CD86: variants seen among roughly 807,000 people sequenced by gnomAD.
CD86 encodes T-lymphocyte activation antigen CD86.
In CD86, 11 loss-of-function variants were observed where a neutral mutation model predicts 32.1. The ratio of observed to expected loss-of-function variants is 0.34; its 90% confidence interval spans 0.22 to 0.57. CD86 has a LOEUF of 0.57. CD86 is among the 20% of genes least tolerant of loss of function. The pLI is 0.86. For synonymous variants in CD86, 137 were observed against 135.3 expected (o/e 1.01, Z -0.09); for missense variants, 359 against 398.4 (o/e 0.90, Z 0.84).
chr3:122,065,178 C>A (rs1424640645), intron 1 of CD86, among the ~76,000 whole-genome samples: 2 of 152,132 alleles, frequency 1.3e-5, no homozygotes, highest in Non-Finnish European at 2.9e-5. Flanking sequence ...AAGCTATGAA[C>A]AACCATGCTA....
intron 1 of CD86, 72 bp from the exon 2 acceptor site, chr3:122,091,529 C>A: frequency 8.3e-7 from 1 of 1,206,096 alleles, no homozygotes; most frequent in South Asian, 1.2e-5. Flanking sequence ...ACGTCCAGGT[C>A]ATGTTTTGGT....
intron 5 of CD86, among the ~76,000 whole-genome samples, chr3:122,111,574 C>T (rs963461921): frequency 1.3e-5 from 2 of 152,168 alleles, no homozygotes; most frequent in African/African-American, 4.8e-5. Context: ...AGAAGCTCAA[C>T]CCAGCATTTC....
At chr3:122,069,394 T>C (rs1159775180) in intron 1 of CD86, among the ~76,000 whole-genome samples, 1 of 152,140 alleles carries the variant, frequency 6.6e-6, no homozygotes, top group Non-Finnish European at 1.5e-5. Context: ...GGAACAAAGG[T>C]AAAGCATGAA....
intron 1 of CD86, chr3:122,086,672 T>C: frequency 4.4e-6 from 2 of 454,374 alleles, no homozygotes; most frequent in Non-Finnish European, 8.9e-6. Context: ...TCGAGCAGTG[T>C]TTGCAGAATG....
At chr3:122,118,152 A>G in intron 6 of CD86, 59 bp downstream of exon 6, 1 of 1,377,756 alleles carries the variant, frequency 7.3e-7, no homozygotes, top group Admixed American at 1.7e-5. Flanking sequence ...AGTGCCTGTT[A>G]CTTGAATAGG....
chr3:122,087,186 A>AT (rs1276221994), intron 1 of CD86, among the ~76,000 whole-genome samples: 1 of 152,144 alleles, frequency 6.6e-6, no homozygotes, highest in African/African-American at 2.4e-5. Context: ...GTGAACCTCC[A>AT]TTTACATGGA....
intron 2 of CD86, chr3:122,091,969 G>T: frequency 3.8e-6 from 1 of 264,540 alleles, no homozygotes; most frequent in Admixed American, 4.9e-5. Context: ...CTGCACTGAG[G>T]CCCCTGAGAC....
rs769868417 is a variant in CD86, at chr3:122,115,740, C to CAAAA, written c.848-2284_848-2281dup. 1.9e-3 allele frequency among the ~76,000 whole-genome samples: 52 copies of CAAAA among 27,532 alleles called. 2 individuals are homozygous for CAAAA. Among genetic ancestry groups the CAAAA allele is most frequent in the African/African-American group, 2.7e-3 (22 of 8,004 alleles). The allele number at this position is 27,532 out of a possible 152,430, so 18.1% of individuals were successfully genotyped here. ...GGGCAACAAGAGTGAAACTCCCTCTCAAAAAAAAAAAAAAAAAAAAAAAAA... is the reference window on the plus strand; with the variant it reads ...GGGCAACAAGAGTGAAACTCCCTCTCAAAAAAAAAAAAAAAAAAAAAAAAAAAAA... On this transcript the variant is annotated intron_variant, in intron 5 of 6. Coordinates refer to ENST00000330540, the MANE Select transcript of CD86 (RefSeq NM_175862.5).
chr3:122,060,585 C>G (rs1308960000), intron 1 of CD86, among the ~76,000 whole-genome samples: 2 of 151,670 alleles, frequency 1.3e-5, no homozygotes, highest in Non-Finnish European at 2.9e-5. Context: ...GAGTTCCGTT[C>G]AAGACCAGTC....
Position 122,118,057 on chromosome 3 carries a change from C to A in CD86, c.857C>A (p.Thr286Lys). The A allele has an allele frequency of 1.2e-6, 2 of 1,613,250 alleles. No homozygotes were observed. The highest frequency in any genetic ancestry group is 1.7e-6 in the Non-Finnish European group (2 of 1,179,378). ...PRNSYKCGTN[T>K]MEREESEQTK... ...TCTTGGTGTCTTTCAGGAACCAACA[C>A]AATGGAGAGGGAAGAGAGTGAACAG... Residue 286 changes from threonine to lysine, a missense_variant, in exon 6 of 7, where the codon ACA becomes AAA. Thr to Lys is a moderately conservative substitution (Grantham distance 78, BLOSUM62 -1). Coordinates refer to ENST00000330540, the MANE Select transcript of CD86 (RefSeq NM_175862.5).
chr3:122,093,958 C>T (rs1202687502), intron 2 of CD86, among the ~76,000 whole-genome samples: 2 of 152,242 alleles, frequency 1.3e-5, no homozygotes, highest in Non-Finnish European at 2.9e-5. Context: ...TTGTGGTAAA[C>T]CATGAATAAG....
intron 1 of CD86, among the ~76,000 whole-genome samples, chr3:122,069,842 A>C (rs1336122516): frequency 6.6e-6 from 1 of 152,090 alleles, no homozygotes; most frequent in Admixed American, 6.5e-5. Flanking sequence ...TTGGTTCTCC[A>C]CTTGCTGCGG....
chr3:122,069,445 C>T (rs1559898340), intron 1 of CD86, among the ~76,000 whole-genome samples: 1 of 152,208 alleles, frequency 6.6e-6, no homozygotes, highest in Middle Eastern at 3.4e-3. Context: ...ATAGTGATTG[C>T]CAGTTCCTAT....
In CD86 at chr3:122,055,465, T is replaced by C; in HGVS notation, c.-25T>C. ...GGATGAGTGGGGTCATTTCCAGATA[T>C]TAGGTCACAGCAGAAGCAGCCAAAA... On this transcript the variant is annotated 5_prime_UTR_variant, in exon 1 of 7. Transcript: ENST00000330540. 1 of 1,612,806 alleles carries C rather than the reference T, an allele frequency of 6.2e-7. No individual in the cohort carries two copies. Among genetic ancestry groups the C allele is most frequent in the Non-Finnish European group, 8.5e-7 (1 of 1,178,782 alleles).
rs1576783741 is a variant in CD86 at position 122,106,406 on chromosome 3, G to C, written c.609G>C (p.Leu203Phe). The change falls in exon 4 of 7, where the codon TTG becomes TTC. Residue 203 changes from leucine (L) to phenylalanine (F), a missense_variant. Physicochemically the swap from Leu to Phe is conservative, Grantham distance 22 (BLOSUM62 0). Transcript: ENST00000330540. ...AACTGTACGACGTTTCCATCAGCTT[G>C]TCTGTTTCATTCCCTGATGTTACGA... The part of the protein sequence containing the change: ...VTELYDVSIS[L>F]SVSFPDVTSN... 6.2e-7 allele frequency: 1 copy of C among 1,613,954 alleles called. No homozygotes were observed. The highest frequency in any genetic ancestry group is 8.5e-7 in the Non-Finnish European group (1 of 1,179,888).
chr3:122,060,545 G>A (rs1375805842), intron 1 of CD86, among the ~76,000 whole-genome samples: 4 of 152,096 alleles, frequency 2.6e-5, no homozygotes, highest in African/African-American at 9.7e-5. Context: ...TGACTCAGGA[G>A]GCGGAGGTGG....
At chr3:122,103,960 A>G in intron 3 of CD86, 113 bp downstream of exon 3, 1 of 836,960 alleles carries the variant, frequency 1.2e-6, no homozygotes, top group South Asian at 1.7e-5. Flanking sequence ...AGGGGGGTCT[A>G]TAGAGAGAAG....
rs2073313435 is a variant in CD86 at position 122,119,667 on chromosome 3, T to C, written c.*133T>C. 5 of 625,356 alleles carry C rather than the reference T, an allele frequency of 8.0e-6. No homozygotes were observed. Among genetic ancestry groups the C allele is most frequent in the Middle Eastern group, 3.2e-4 (1 of 3,158 alleles). The allele number at this position is 625,356 out of a possible 1,614,324, so 38.7% of individuals were successfully genotyped here. On this transcript the variant is annotated 3_prime_UTR_variant, in exon 7 of 7. Coordinates refer to ENST00000330540, the MANE Select transcript of CD86 (RefSeq NM_175862.5). ...GTAATAAGGGGGCTCCAGGACTCCCTCTAAGTGGAATAGCCTCCCTGTAAC... is the reference window on the plus strand; with the variant it reads ...GTAATAAGGGGGCTCCAGGACTCCCCCTAAGTGGAATAGCCTCCCTGTAAC...
chr3:122,076,259 G>A (rs2072554313), intron 1 of CD86, among the ~76,000 whole-genome samples: 1 of 152,122 alleles, frequency 6.6e-6, no homozygotes, highest in Admixed American at 6.5e-5. Context: ...ATGAAAGTTT[G>A]GGGAATACTA....
Sources: allele counts gnomAD v4.1 joint callset (sites outside exome capture counted in the v4.1 genomes callset), GRCh38; gene constraint gnomAD v4.1.1; transcripts MANE v1.5; gene names NCBI Gene and HGNC (gene_info 2026-07-23, HGNC 2026-07-21).